The following THAP12 variants were observed in gnomAD, a reference collection of about 807,000 sequenced individuals.
The protein encoded by THAP12 is THAP domain containing 12.
In THAP12, 20 loss-of-function variants were observed where a neutral mutation model predicts 63.0. The observed-to-expected ratio is 0.32, with a 90% CI of 0.22 to 0.46. THAP12 has a LOEUF of 0.46. Ranked by LOEUF, THAP12 falls within the 20% of genes least tolerant of loss-of-function variation. THAP12 has a pLI of 1.00. For missense variants in THAP12, 568 were observed against 908.2 expected, an observed-to-expected ratio of 0.63 and a Z score of 4.81; for synonymous variants, 264 against 328.4, an observed-to-expected ratio of 0.80 and a Z score of 2.12.
intron 1 of THAP12, among the ~76,000 whole-genome samples, chr11:76,378,093 T>C (rs1417589358): frequency 6.6e-6 from 1 of 152,196 alleles, no homozygotes; most frequent in Non-Finnish European, 1.5e-5. Flanking sequence ...CTATTTTTCT[T>C]TTTACTGCAT....
At chr11:76,380,359 A>G (rs1372928751) in intron 1 of THAP12, among the ~76,000 whole-genome samples, 2 of 152,332 alleles carry the variant, frequency 1.3e-5, no homozygotes, top group East Asian at 3.9e-4. Context: ...CCCAGTGGCC[A>G]CAACCATAGA....
rs757886297 is a variant in THAP12 at position 76,365,894 on chromosome 11, T to C, written c.168A>G (p.Arg56=). 6 of 1,613,248 alleles carry C rather than the reference T, an allele frequency of 3.7e-6. No homozygotes were observed. The Admixed American group carries it at 5.0e-5, about 13-fold the overall frequency. Reference sequence around the variant, plus strand: ...AGGTCTCAAAATGTTTGGCACATAATCGATAATGTTTATTTAGCTGATCAG... The same window carrying C: ...AGGTCTCAAAATGTTTGGCACATAACCGATAATGTTTATTTAGCTGATCAG... ...KTPDQLNKHY[R]LCAKHFETSM... Residue 56 remains arginine (R), a synonymous_variant, in exon 2 of 5, where the codon CGA becomes CGG. Coordinates refer to ENST00000260045, the MANE Select transcript of THAP12 (RefSeq NM_004705.4).
chr11:76,370,497 G>C (rs1213990381), intron 1 of THAP12, among the ~76,000 whole-genome samples: 1 of 151,672 alleles, frequency 6.6e-6, no homozygotes, highest in Non-Finnish European at 1.5e-5. Flanking sequence ...CATGTAGCTG[G>C]GACTACAGGC....
Position 76,352,058 on chromosome 11 carries a change from T to C in THAP12, c.1092A>G (p.Leu364=). ...GTACTGATTTTGCCAACCACATATT[T>C]AAGGCACAGGAAGAGCAGAGTGTGT... The part of the protein sequence containing the change: ...AIYTLCSSCA[L]NMWLAKSVPV... Residue 364 remains leucine, a synonymous_variant, in exon 5 of 5, where the codon TTA becomes TTG. Transcript: ENST00000260045. 6.2e-7 allele frequency: 1 copy of C among 1,611,794 alleles called. No homozygotes were observed. The highest frequency in any genetic ancestry group is 2.2e-5 in the East Asian group (1 of 44,876).
At chr11:76,360,249 A>G (rs572533582) in intron 3 of THAP12, among the ~76,000 whole-genome samples, 1 of 152,346 alleles carries the variant, frequency 6.6e-6, no homozygotes, top group East Asian at 1.9e-4. Flanking sequence ...CTGATAGGAC[A>G]TATATTAAAT....
intron 1 of THAP12, among the ~76,000 whole-genome samples, chr11:76,378,064 T>C (rs1946723826): frequency 1.3e-5 from 2 of 152,244 alleles, no homozygotes; most frequent in Admixed American, 1.3e-4. Flanking sequence ...AAGTTTAATT[T>C]TGATGAAGTC....
chr11:76,378,876 T>C (rs901464291), intron 1 of THAP12, among the ~76,000 whole-genome samples: 4 of 152,130 alleles, frequency 2.6e-5, no homozygotes, highest in Admixed American at 1.3e-4. Flanking sequence ...CCCAAAGTGC[T>C]GGGATTACAG....
At chr11:76,371,343 C>A (rs1449222142) in intron 1 of THAP12, among the ~76,000 whole-genome samples, 1 of 152,200 alleles carries the variant, frequency 6.6e-6, no homozygotes, top group African/African-American at 2.4e-5. Context: ...TTTTTATACA[C>A]TTCCTATGCA....
At chr11:76,380,659 G>T in intron 1 of THAP12, 89 bp downstream of exon 1, 2 of 1,055,372 alleles carry the variant, frequency 1.9e-6, no homozygotes, top group Non-Finnish European at 2.5e-6. Flanking sequence ...GCCCCTCTCA[G>T]CCAGCCCGGG....
At chr11:76,376,730 A>T (rs1946714024) in intron 1 of THAP12, among the ~76,000 whole-genome samples, 1 of 148,242 alleles carries the variant, frequency 6.7e-6, no homozygotes, top group South Asian at 2.1e-4. Context: ...CCAGTATTTC[A>T]AGTGAGATTT....
intron 1 of THAP12, among the ~76,000 whole-genome samples, chr11:76,366,597 C>T (rs553396017): frequency 2.6e-5 from 4 of 151,898 alleles, no homozygotes; most frequent in East Asian, 1.9e-4. Context: ...AGGAGAATGG[C>T]GTGAACCCGG....
chr11:76,355,687 A>G (rs949470138), intron 3 of THAP12, 33 bp from the exon 4 acceptor site: 4 of 1,548,836 alleles, frequency 2.6e-6, no homozygotes, highest in Non-Finnish European at 2.6e-6. Flanking sequence ...AAAAAAACAA[A>G]TCATCTTTAA....
At position 76,349,978 on chromosome 11, in the gene THAP12, T is replaced by C. The variant is rs1372331423; in HGVS notation, c.*886A>G. ...AGCTTTAAACAAAATTCACATTTTATTTAGATTGAAATAAACTATACAAAA... is the reference window on the plus strand; with the variant it reads ...AGCTTTAAACAAAATTCACATTTTACTTAGATTGAAATAAACTATACAAAA... On this transcript the variant is annotated 3_prime_UTR_variant, in exon 5 of 5. Coordinates refer to ENST00000260045, the MANE Select transcript of THAP12 (RefSeq NM_004705.4). 1 of 152,802 alleles carries C rather than the reference T, an allele frequency of 6.5e-6. No individual in the cohort carries two copies. The highest frequency in any genetic ancestry group is 1.5e-5 in the Non-Finnish European group (1 of 68,040). The allele number at this position is 152,802 out of a possible 1,614,324, so 9.5% of individuals were successfully genotyped here. A position where few individuals can be genotyped will look rare whatever the true frequency, so the allele number is the denominator to read the frequency against.
chr11:76,358,966 A>G (rs945869276), intron 3 of THAP12: 4 of 152,248 alleles, frequency 2.6e-5, no homozygotes, highest in African/African-American at 9.6e-5. Flanking sequence ...GATCTTGACT[A>G]AACAAGACAG....
chr11:76,367,188 T>C (rs1354767077), intron 1 of THAP12, among the ~76,000 whole-genome samples: 2 of 152,056 alleles, frequency 1.3e-5, no homozygotes, highest in Non-Finnish European at 2.9e-5. Context: ...GCGATTCTCC[T>C]GTCTCAGCCT....
chr11:76,365,411 C>T (rs1158884249), intron 2 of THAP12, among the ~76,000 whole-genome samples: 3 of 151,626 alleles, frequency 2.0e-5, no homozygotes, highest in African/African-American at 7.3e-5. Context: ...TCCAGACAAG[C>T]GCTCACTCTG....
chr11:76,353,574 T>C lies in THAP12; in HGVS notation c.356-780A>G, dbSNP rs566952281. Among the ~76,000 whole-genome samples, 7 of 152,328 alleles carry C rather than the reference T, an allele frequency of 4.6e-5. No homozygotes were observed. In the East Asian group the frequency reaches 1.3e-3, roughly 29 times the overall value. On this transcript the variant is annotated intron_variant, in intron 4 of 4. Coordinates refer to ENST00000260045, the MANE Select transcript of THAP12 (RefSeq NM_004705.4). ...AGGGCTAGTATTAGAATATCACACA[T>C]CTTAGCCTAATCTCTTCACAGGGGA...
chr11:76,366,145 T>A (rs1254621455), intron 1 of THAP12, among the ~76,000 whole-genome samples, 173 bp from the exon 2 acceptor site: 1 of 152,166 alleles, frequency 6.6e-6, no homozygotes, highest in Non-Finnish European at 1.5e-5. Flanking sequence ...ACCTTAGAAG[T>A]CATTTAGTAC....
At chr11:76,373,551 T>C (rs1946688752) in intron 1 of THAP12, among the ~76,000 whole-genome samples, 1 of 151,686 alleles carries the variant, frequency 6.6e-6, no homozygotes, top group Non-Finnish European at 1.5e-5. Context: ...ACCCTGTCTC[T>C]AAAAAAAATT....
Sources: allele counts gnomAD v4.1 joint callset (sites outside exome capture counted in the v4.1 genomes callset), GRCh38; gene constraint gnomAD v4.1.1; transcripts MANE v1.5; gene names NCBI Gene and HGNC (gene_info 2026-07-23, HGNC 2026-07-21).